Variants in TSHR observed in about 807,000 individuals in gnomAD.
The protein encoded by TSHR is thyroid stimulating hormone receptor, also known as thyrotropin receptor.
A neutral mutation model predicts 64.1 loss-of-function variants in TSHR; 51 were observed. The ratio of observed to expected loss-of-function variants is 0.80; its 90% CI spans 0.64 to 1.01. TSHR has a LOEUF of 1.01. Among genes scored for constraint, TSHR ranks in the 50% least tolerant of loss-of-function variants. The pLI is 0.00. For missense variants in TSHR, 877 were observed against 942.8 expected (o/e 0.93, Z 0.91); for synonymous variants, 361 against 361.9 (o/e 1.00, Z 0.03).
At chr14:80,980,188 T>C (rs1594912368) in intron 1 of TSHR, among the ~76,000 whole-genome samples, 1 of 152,214 alleles carries the variant, frequency 6.6e-6, no homozygotes, top group East Asian at 1.9e-4. Flanking sequence ...GCTGCTCTTA[T>C]TGCTTGCACA....
At chr14:81,076,735 G>C (rs1887531858) in intron 3 of TSHR, among the ~76,000 whole-genome samples, 1 of 152,004 alleles carries the variant, frequency 6.6e-6, no homozygotes, top group Non-Finnish European at 1.5e-5. Flanking sequence ...CCTTATTTAA[G>C]CCACCATCAT....
intron 3 of TSHR, among the ~76,000 whole-genome samples, chr14:81,084,168 A>C (rs1888114147): frequency 6.6e-6 from 1 of 152,160 alleles, no homozygotes; most frequent in South Asian, 2.1e-4. Context: ...CCAAAGCTGA[A>C]TTTTTCTAAT....
intron 1 of TSHR, chr14:81,032,769 G>A: frequency 2.3e-6 from 1 of 426,440 alleles, no homozygotes; most frequent in South Asian, 2.0e-5. Flanking sequence ...CAAATTGGTG[G>A]AAGTTGATAC....
chr14:81,091,949 C>A (rs1033234027), intron 5 of TSHR, among the ~76,000 whole-genome samples: 3 of 152,082 alleles, frequency 2.0e-5, no homozygotes, highest in Non-Finnish European at 2.9e-5. Context: ...AAAGAGTCAG[C>A]AAAATGTAGA....
At chr14:81,033,000 TG>T in intron 1 of TSHR, 1 of 361,276 alleles carries the variant, frequency 2.8e-6, no homozygotes. Flanking sequence ...AGCTGCTGTG[TG>T]GGGCAGATTT....
At chr14:81,051,668 G>T (rs944236571) in intron 1 of TSHR, 1 of 152,038 alleles carries the variant, frequency 6.6e-6, no homozygotes, top group African/African-American at 2.4e-5. Flanking sequence ...GTGTGTGATG[G>T]TTCCCTTTTC....
At chr14:81,121,305 C>A (rs7143719) in intron 8 of TSHR, among the ~76,000 whole-genome samples, 46,540 of 151,944 alleles carry the variant, frequency 0.31, 8,029 homozygotes, top group East Asian at 0.53. Context: ...TCGGAATGCC[C>A]TCAGCCTTCT....
intron 3 of TSHR, among the ~76,000 whole-genome samples, chr14:81,083,226 T>C (rs986167993): frequency 6.6e-6 from 1 of 152,172 alleles, no homozygotes; most frequent in African/African-American, 2.4e-5. Context: ...TACGCTTTTA[T>C]TGAGAATTAA....
chr14:80,982,713 C>A lies in TSHR; in HGVS notation c.170+26863C>A, dbSNP rs891404991. On this transcript the variant is annotated intron_variant, in intron 1 of 9. Transcript: ENST00000298171. ...TTAGATCCCAGGCATCTAAGGCAAGCCCTCCTTCATATATTGTTTTGGCCT... is the reference window on the plus strand; with the variant it reads ...TTAGATCCCAGGCATCTAAGGCAAGACCTCCTTCATATATTGTTTTGGCCT... 5 of 849,238 alleles carry A rather than the reference C, an allele frequency of 5.9e-6. No individual in the cohort carries two copies. In the Admixed American group the frequency reaches 8.2e-5, roughly 14 times the overall value. The allele number at this position is 849,238 out of a possible 1,614,324, so 52.6% of individuals were successfully genotyped here. A position where few individuals can be genotyped will look rare whatever the true frequency, so the allele number is the denominator to read the frequency against.
rs1159447803 is a variant in TSHR at position 81,048,433 on chromosome 14, T to G, written c.171-13715T>G. On this transcript the variant is annotated intron_variant, in intron 1 of 9. Coordinates refer to ENST00000298171, the MANE Select transcript of TSHR (RefSeq NM_000369.5). ...ATTATTAATATGGTTTCCTTCCACA[T>G]CCCAAAGATGGGCATACTAGGTTCG... 4.6e-5 allele frequency among the ~76,000 whole-genome samples: 7 copies of G among 152,090 alleles called. No homozygotes were observed. In the South Asian group the frequency reaches 1.4e-3, roughly 32 times the overall value.
chr14:80,982,155 G>C (rs1434945986), intron 1 of TSHR: 1 of 580,234 alleles, frequency 1.7e-6, no homozygotes, highest in Non-Finnish European at 3.2e-6. Flanking sequence ...TGCAGTGGCA[G>C]AGATGAAGGC....
At chr14:81,076,356 A>T (rs911983217) in intron 3 of TSHR, among the ~76,000 whole-genome samples, 1 of 151,762 alleles carries the variant, frequency 6.6e-6, no homozygotes, top group Non-Finnish European at 1.5e-5. Flanking sequence ...TTCTCTTTTC[A>T]CTCTAACTTC....
At chr14:81,029,628 A>C (rs1272264461) in intron 1 of TSHR, among the ~76,000 whole-genome samples, 1 of 152,220 alleles carries the variant, frequency 6.6e-6, no homozygotes, top group African/African-American at 2.4e-5. Flanking sequence ...ATGGAAATAA[A>C]AAATTTCTGT....
intron 3 of TSHR, among the ~76,000 whole-genome samples, chr14:81,077,796 G>A (rs1322310875): frequency 6.6e-6 from 1 of 151,846 alleles, no homozygotes; most frequent in African/African-American, 2.4e-5. Context: ...TAATCTAGTT[G>A]TTTTTGCTTT....
At chr14:80,990,888 C>G (rs1333932756) in intron 1 of TSHR, among the ~76,000 whole-genome samples, 1 of 152,184 alleles carries the variant, frequency 6.6e-6, no homozygotes, top group Non-Finnish European at 1.5e-5. Flanking sequence ...CTCCTGACCT[C>G]AGGTGATCCA....
At chr14:80,988,504 C>T (rs2284728) in intron 1 of TSHR, among the ~76,000 whole-genome samples, 28,924 of 152,076 alleles carry the variant, frequency 0.19, 3,760 homozygotes, top group East Asian at 0.43. Context: ...CAGGCCCCAC[C>T]TCCAACATTG....
At chr14:80,957,827 T>G (rs1886783986) in intron 1 of TSHR, 1 of 152,204 alleles carries the variant, frequency 6.6e-6, no homozygotes, top group Non-Finnish European at 1.5e-5. Context: ...AATGTTCAAC[T>G]AGGTGCTTTC....
At chr14:81,069,137 T>C (rs1886874853) in intron 3 of TSHR, among the ~76,000 whole-genome samples, 1 of 152,086 alleles carries the variant, frequency 6.6e-6, no homozygotes, top group Non-Finnish European at 1.5e-5. Flanking sequence ...TGTATGAACA[T>C]TATTTGTTTG....
chr14:81,112,317 C>T (rs778992293), intron 8 of TSHR, among the ~76,000 whole-genome samples: 10 of 152,152 alleles, frequency 6.6e-5, no homozygotes, highest in Non-Finnish European at 1.3e-4. Context: ...TTTGACACTT[C>T]ATTATTCTGA....
Sources: gnomAD v4.1 joint callset for allele counts (sites outside exome capture counted in the v4.1 genomes callset) on GRCh38, gnomAD v4.1.1 for gene constraint, MANE v1.5 for transcripts, NCBI Gene and HGNC (gene_info 2026-07-23, HGNC 2026-07-21) for gene names.